Variants in THSD7A observed in about 807,000 individuals in gnomAD.
THSD7A encodes thrombospondin type 1 domain containing 7A, also known as thrombospondin type-1 domain-containing protein 7A.
A neutral mutation model predicts 231.3 loss-of-function variants in THSD7A; 96 were observed. That is an observed-to-expected ratio of 0.41 (90% CI 0.35 to 0.49). The LOEUF (loss-of-function observed/expected upper bound fraction) is 0.49. THSD7A is among the 20% of genes least tolerant of loss of function. The pLI is 0.05. For missense variants in THSD7A, 2,290 were observed against 2,070.2 expected (o/e 1.11, Z -2.06); for synonymous variants, 940 against 743.3 (o/e 1.26, Z -4.30).
intron 2 of THSD7A, among the ~76,000 whole-genome samples, chr7:11,613,972 G>C (rs1236256974): frequency 6.6e-6 from 1 of 152,114 alleles, no homozygotes; most frequent in Non-Finnish European, 1.5e-5. Context: ...TGACCATAAT[G>C]GAATTCTCTG....
intron 6 of THSD7A, among the ~76,000 whole-genome samples, chr7:11,495,276 C>T (rs1787052645): frequency 6.6e-6 from 1 of 151,898 alleles, no homozygotes; most frequent in Non-Finnish European, 1.5e-5. Flanking sequence ...TGTTTTATAT[C>T]ATATTTTTAT....
chr7:11,701,346 G>A (rs1780594957), intron 1 of THSD7A, among the ~76,000 whole-genome samples: 1 of 151,010 alleles, frequency 6.6e-6, no homozygotes, highest in East Asian at 2.0e-4. Flanking sequence ...TTAACGATGT[G>A]AAAACCATTT....
intron 6 of THSD7A, among the ~76,000 whole-genome samples, chr7:11,496,458 C>T (rs930287051): frequency 6.6e-6 from 1 of 152,074 alleles, no homozygotes; most frequent in Non-Finnish European, 1.5e-5. Flanking sequence ...CCCAAGGTTA[C>T]ACAAGTTGAT....
chr7:11,774,965 T>G (rs932825841), intron 1 of THSD7A, among the ~76,000 whole-genome samples: 12 of 152,024 alleles, frequency 7.9e-5, no homozygotes, highest in African/African-American at 2.9e-4. Context: ...TGAGGCACGA[T>G]AATCTCTTGA....
chr7:11,544,265 C>G (rs773824716), intron 4 of THSD7A, among the ~76,000 whole-genome samples: 2 of 152,114 alleles, frequency 1.3e-5, no homozygotes, highest in African/African-American at 4.8e-5. Context: ...TCACTTGAAC[C>G]TGGGAGGCAG....
rs540420201 is a variant in THSD7A, at chr7:11,460,343, G to A, written c.2605+319C>T. Among the ~76,000 whole-genome samples the A allele has an allele frequency of 7.1e-4, 108 of 151,516 alleles. 2 individuals are homozygous for A. The highest frequency in any genetic ancestry group is 2.3e-3 in the African/African-American group (94 of 41,028). On this transcript the variant is annotated intron_variant, in intron 11 of 27. Transcript: ENST00000423059. ...TGGCAAGCAAAATGCTGTGGATACC[G>A]TAATCTAAAAACAAACAAACAAACA...
At chr7:11,561,117 T>C (rs1005414377) in intron 4 of THSD7A, among the ~76,000 whole-genome samples, 4 of 152,164 alleles carry the variant, frequency 2.6e-5, no homozygotes, top group Non-Finnish European at 4.4e-5. Context: ...TCTGGCTCCA[T>C]AGTCTTCAGT....
intron 4 of THSD7A, among the ~76,000 whole-genome samples, chr7:11,571,821 C>A (rs185462350): frequency 6.6e-6 from 1 of 151,732 alleles, no homozygotes; most frequent in Non-Finnish European, 1.5e-5. Flanking sequence ...TTTCCTCTGG[C>A]TGCTTTAAAA....
chr7:11,827,984 G>A (rs542391145), intron 1 of THSD7A, among the ~76,000 whole-genome samples: 47 of 152,194 alleles, frequency 3.1e-4, no homozygotes, highest in South Asian at 2.9e-3. Flanking sequence ...TTGCTTCAGT[G>A]TGACCTCAAG....
chr7:11,423,219 G>A (rs2115411714), intron 16 of THSD7A, among the ~76,000 whole-genome samples: 1 of 152,042 alleles, frequency 6.6e-6, no homozygotes, highest in East Asian at 1.9e-4. Context: ...ATTATATATA[G>A]GTCCATATGC....
chr7:11,679,667 T>G (rs1189293049), intron 1 of THSD7A, among the ~76,000 whole-genome samples: 1 of 152,078 alleles, frequency 6.6e-6, no homozygotes, highest in African/African-American at 2.4e-5. Context: ...CAAGGAGAAC[T>G]ACAAAGCACT....
chr7:11,624,100 A>G (rs1781402817), intron 2 of THSD7A, among the ~76,000 whole-genome samples: 1 of 152,092 alleles, frequency 6.6e-6, no homozygotes, highest in South Asian at 2.1e-4. Context: ...CAGAAGATAC[A>G]ATCAAACTTT....
chr7:11,526,173 T>C (rs1220732019), intron 6 of THSD7A, among the ~76,000 whole-genome samples: 6 of 152,208 alleles, frequency 3.9e-5, no homozygotes, highest in Non-Finnish European at 8.8e-5. Flanking sequence ...GATCTGGTTT[T>C]ATCCACAAAG....
intron 13 of THSD7A, among the ~76,000 whole-genome samples, chr7:11,438,957 T>C (rs954357709): frequency 2.6e-5 from 4 of 152,084 alleles, no homozygotes; most frequent in South Asian, 2.1e-4. Flanking sequence ...TTGGCTGATA[T>C]ATTCATTTAT....
intron 1 of THSD7A, among the ~76,000 whole-genome samples, chr7:11,769,746 C>T (rs1000571258): frequency 1.3e-5 from 2 of 151,870 alleles, no homozygotes; most frequent in Non-Finnish European, 1.5e-5. Context: ...TTTCAGTAAA[C>T]GTTTGCATTT....
intron 4 of THSD7A, among the ~76,000 whole-genome samples, chr7:11,578,090 T>C (rs1352957014): frequency 6.6e-6 from 1 of 152,228 alleles, no homozygotes; most frequent in Non-Finnish European, 1.5e-5. Context: ...ACAGTATTAT[T>C]TGCTCTCCAT....
At chr7:11,483,624 C>T (rs1315876246) in intron 6 of THSD7A, among the ~76,000 whole-genome samples, 1 of 152,044 alleles carries the variant, frequency 6.6e-6, no homozygotes, top group Admixed American at 6.6e-5. Flanking sequence ...ATATTTTACA[C>T]TTGACATAAT....
At chr7:11,695,486 T>A (rs1446764723) in intron 1 of THSD7A, among the ~76,000 whole-genome samples, 1 of 151,478 alleles carries the variant, frequency 6.6e-6, no homozygotes, top group Admixed American at 6.6e-5. Context: ...ATAGTGTCAG[T>A]TTTATGCAAT....
chr7:11,426,882 A>G (rs915489801), intron 14 of THSD7A, among the ~76,000 whole-genome samples: 1 of 152,188 alleles, frequency 6.6e-6, no homozygotes, highest in African/African-American at 2.4e-5. Context: ...AGATACACAA[A>G]TGGGTATTGT....
Sources: gnomAD v4.1 joint callset for allele counts (sites outside exome capture counted in the v4.1 genomes callset) on GRCh38, gnomAD v4.1.1 for gene constraint, MANE v1.5 for transcripts, NCBI Gene and HGNC (gene_info 2026-07-23, HGNC 2026-07-21) for gene names.